TGM2: variants seen among roughly 807,000 people sequenced by gnomAD.
TGM2 encodes the protein protein-glutamine gamma-glutamyltransferase 2.
A neutral mutation model predicts 75.6 loss-of-function variants in TGM2; 53 were observed. That is an observed-to-expected ratio of 0.70 (90% CI 0.56 to 0.88). The LOEUF (loss-of-function observed/expected upper bound fraction) is 0.88. TGM2 is among the 40% of genes least tolerant of loss of function. TGM2 has a pLI of 0.00. For synonymous variants in TGM2, 374 were observed against 381.1 expected (o/e 0.98, Z 0.22); for missense variants, 842 against 928.5 (o/e 0.91, Z 1.21).
chr20:38,137,969 A>G (rs2074920088), intron 10 of TGM2, 144 bp downstream of exon 10: 2 of 1,445,204 alleles, frequency 1.4e-6, no homozygotes, highest in Admixed American at 2.8e-5. Flanking sequence ...TGATATTTAT[A>G]AAGTGCTTAG....
At chr20:38,155,523 T>C (rs965633276) in intron 3 of TGM2, among the ~76,000 whole-genome samples, 2 of 152,074 alleles carry the variant, frequency 1.3e-5, no homozygotes, top group Non-Finnish European at 2.9e-5. Context: ...AAAATTTTTT[T>C]TTGTAGAGAC....
At chr20:38,149,537 G>A (rs1294396924) in intron 4 of TGM2, among the ~76,000 whole-genome samples, 1 of 151,894 alleles carries the variant, frequency 6.6e-6, no homozygotes, top group African/African-American at 2.4e-5. Flanking sequence ...AAATTAGCCG[G>A]GTGTGGTGGT....
At chr20:38,147,232 C>G (rs2075057384) in intron 5 of TGM2, among the ~76,000 whole-genome samples, 1 of 152,036 alleles carries the variant, frequency 6.6e-6, no homozygotes, top group East Asian at 1.9e-4. Context: ...GGGCCCCCCA[C>G]CCCAGATTGT....
chr20:38,165,881 A>G (rs45443198), upstream of TGM2, among the ~76,000 whole-genome samples: 135 of 152,146 alleles, frequency 8.9e-4, 2 homozygotes, highest in African/African-American at 3.1e-3. Flanking sequence ...GCAGACACAC[A>G]CCAGGACATA....
At chr20:38,144,978 C>A (rs1319910336) in intron 6 of TGM2, among the ~76,000 whole-genome samples, 1 of 152,180 alleles carries the variant, frequency 6.6e-6, no homozygotes, top group African/African-American at 2.4e-5. Context: ...GCCGGTGAGC[C>A]TGGGGATCCA....
chr20:38,162,422 A>G (rs2075265815), intron 1 of TGM2, among the ~76,000 whole-genome samples: 1 of 152,214 alleles, frequency 6.6e-6, no homozygotes, highest in Non-Finnish European at 1.5e-5. Context: ...CTGAGGAACA[A>G]GTTAAACACA....
intron 10 of TGM2, among the ~76,000 whole-genome samples, chr20:38,136,409 A>G (rs555580098): frequency 1.3e-5 from 2 of 152,268 alleles, no homozygotes; most frequent in South Asian, 4.1e-4. Context: ...CTCTGTAAAC[A>G]CAAACCATGC....
Position 38,155,950 on chromosome 20 carries a change from G to A in TGM2, c.330C>T (p.Ala110=), listed in dbSNP as rs1180311337. The change falls in exon 3 of 13, where the codon GCC becomes GCT. Residue 110 remains alanine, a synonymous_variant. Coordinates refer to ENST00000361475, the MANE Select transcript of TGM2 (RefSeq NM_004613.4). ...LSLQLTTPAN[A]PIGLYRLSLE... ...GGCTGAGGCGATACAGGCCGATGGGGGCGTTGGCCGGGGTGGTGAGCTGCA... is the reference window on the plus strand; with the variant it reads ...GGCTGAGGCGATACAGGCCGATGGGAGCGTTGGCCGGGGTGGTGAGCTGCA... 2 of 1,612,716 alleles carry A rather than the reference G, an allele frequency of 1.2e-6. No homozygotes were observed. Among genetic ancestry groups the A allele is most frequent in the South Asian group, 2.2e-5 (2 of 90,652 alleles).
intron 9 of TGM2, among the ~76,000 whole-genome samples, 169 bp from the exon 10 acceptor site, chr20:38,138,554 ACTAGTGAACTC>A (rs2074930153): frequency 6.6e-6 from 1 of 151,998 alleles, no homozygotes; most frequent in Admixed American, 6.6e-5. Context: ...TTAATTTTCC[ACTAGTGAACTC>A]CTATACATCC....
In TGM2 at chr20:38,142,474, A is replaced by G. The variant is rs2074988357; in HGVS notation, c.860-275T>C. Among the ~76,000 whole-genome samples the G allele has an allele frequency of 2.6e-5, 4 of 152,154 alleles. No homozygotes were observed. In the South Asian group the frequency reaches 8.3e-4, roughly 31 times the overall value. On this transcript the variant is annotated intron_variant, in intron 6 of 12. Coordinates refer to ENST00000361475, the MANE Select transcript of TGM2 (RefSeq NM_004613.4). The stretch of plus-strand genomic sequence containing the variant: ...ACGCCTATAATCCCAGCACTTTGAG[A>G]GGCCGAGGGGGGCCTGAGGTCAAGA...
intron 6 of TGM2, among the ~76,000 whole-genome samples, chr20:38,143,808 G>A (rs2075009078): frequency 6.6e-6 from 1 of 152,244 alleles, no homozygotes; most frequent in Non-Finnish European, 1.5e-5. Context: ...TTTGATTGAA[G>A]TTGAGTTTGG....
chr20:38,136,241 C>A (rs1442603933), intron 10 of TGM2, among the ~76,000 whole-genome samples: 2 of 152,330 alleles, frequency 1.3e-5, no homozygotes, highest in South Asian at 4.1e-4. Flanking sequence ...ACACTGCAGA[C>A]GCCCCGCCCG....
At chr20:38,149,691 A>AAAAAAAAAAAAAAAAC (rs2075093408) in intron 4 of TGM2, among the ~76,000 whole-genome samples, 2 of 148,518 alleles carry the variant, frequency 1.3e-5, no homozygotes, top group African/African-American at 5.1e-5. Flanking sequence ...AAAAAAAAAA[A>AAAAAAAAAAAAAAAAC]AAAAAAAAAA....
In TGM2 at chr20:38,165,215, T is replaced by G. The variant is rs1314346252; in HGVS notation, c.-17A>C. 4 of 1,612,742 alleles carry G rather than the reference T, an allele frequency of 2.5e-6. No homozygotes were observed. The highest frequency in any genetic ancestry group is 3.4e-6 in the Non-Finnish European group (4 of 1,179,822). On this transcript the variant is annotated 5_prime_UTR_variant, in exon 1 of 13. Transcript: ENST00000361475. ...CTCGGCCATGGTCGGGCGGGGGCGG[T>G]GGCTCCTTCCACTGGCGGCGAGACC...
intron 3 of TGM2, among the ~76,000 whole-genome samples, chr20:38,152,886 C>T (rs1162152508): frequency 6.6e-6 from 1 of 152,252 alleles, no homozygotes; most frequent in Non-Finnish European, 1.5e-5. Flanking sequence ...AGGGGGCCAT[C>T]CCCCAGAACC....
Position 38,150,976 on chromosome 20 carries a change from G to A in TGM2, c.515C>T (p.Ala172Val). 6.2e-7 allele frequency: 1 copy of A among 1,614,182 alleles called. No homozygotes were observed. Among genetic ancestry groups the A allele is most frequent in the Non-Finnish European group, 8.5e-7 (1 of 1,180,018 alleles). Reference sequence around the variant, plus strand: ...CCAAGGTATGTTCTTGATGAACTTGGCCGAGCCCTGGTAGATAAAGCCCTG... The same window carrying A: ...CCAAGGTATGTTCTTGATGAACTTGACCGAGCCCTGGTAGATAAAGCCCTG... ...TQQGFIYQGS[A>V]KFIKNIPWNF... Residue 172 changes from alanine to valine, a missense_variant, in exon 4 of 13, where the codon GCC (alanine) becomes GTC (valine). Physicochemically the swap from Ala to Val is moderately conservative, Grantham distance 64. Transcript: ENST00000361475.
At chr20:38,163,254 A>ACT (rs10699740) in intron 1 of TGM2, among the ~76,000 whole-genome samples, 71,036 of 151,662 alleles carry the variant, frequency 0.47, 19,096 homozygotes, top group Non-Finnish European at 0.62. Flanking sequence ...GGCAAGACAG[A>ACT]CTCTGAGTGT....
intron 1 of TGM2, among the ~76,000 whole-genome samples, chr20:38,164,227 T>G (rs902458021): frequency 1.3e-5 from 2 of 152,022 alleles, no homozygotes; most frequent in African/African-American, 4.8e-5. Context: ...CACAGCAGGG[T>G]CAGGTGGGTC....
chr20:38,149,040 C>T (rs373759077), intron 4 of TGM2, among the ~76,000 whole-genome samples: 204 of 152,330 alleles, frequency 1.3e-3, no homozygotes, highest in African/African-American at 4.7e-3. Flanking sequence ...ACAAACTGGA[C>T]ACTGCTGGCT....
Sources: allele counts gnomAD v4.1 joint callset (sites outside exome capture counted in the v4.1 genomes callset), GRCh38; gene constraint gnomAD v4.1.1; transcripts MANE v1.5; gene names NCBI Gene and HGNC (gene_info 2026-07-23, HGNC 2026-07-21).